The following EPB41L4A variants were observed in gnomAD, a reference collection of about 807,000 sequenced individuals.
EPB41L4A encodes erythrocyte membrane protein band 4.1 like 4A.
In EPB41L4A, 100 loss-of-function variants were observed where a neutral mutation model predicts 108.6. That is an observed-to-expected ratio of 0.92 (90% CI 0.78 to 1.09). The LOEUF (loss-of-function observed/expected upper bound fraction) is 1.09. Ranked by LOEUF, EPB41L4A falls within the 50% of genes least tolerant of loss-of-function variation. The pLI is 0.00. For synonymous variants in EPB41L4A, 319 were observed against 289.0 expected, an observed-to-expected ratio of 1.10 and a Z score of -1.05; for missense variants, 1,030 against 842.7, an observed-to-expected ratio of 1.22 and a Z score of -2.75.
At chr5:112,266,003 T>A (rs988272356) in intron 5 of EPB41L4A, among the ~76,000 whole-genome samples, 12 of 152,220 alleles carry the variant, frequency 7.9e-5, no homozygotes, top group African/African-American at 2.9e-4. Flanking sequence ...GAATCAATGC[T>A]ATTCCAGTGA....
At chr5:112,381,515 T>C (rs548867279) in intron 1 of EPB41L4A, among the ~76,000 whole-genome samples, 3 of 152,336 alleles carry the variant, frequency 2.0e-5, no homozygotes, top group South Asian at 4.1e-4. Context: ...AGGTTCTTGA[T>C]TGCAAGCTAC....
intron 13 of EPB41L4A, among the ~76,000 whole-genome samples, chr5:112,208,798 A>C (rs2059497850): frequency 6.6e-6 from 1 of 152,222 alleles, no homozygotes; most frequent in South Asian, 2.1e-4. Context: ...GTGGGATCTG[A>C]ATCTCATGGA....
At chr5:112,390,768 T>C (rs1760883052) in intron 1 of EPB41L4A, among the ~76,000 whole-genome samples, 2 of 152,190 alleles carry the variant, frequency 1.3e-5, no homozygotes, top group Admixed American at 6.5e-5. Flanking sequence ...GACCCCCATG[T>C]AGCCTAACTG....
intron 1 of EPB41L4A, among the ~76,000 whole-genome samples, chr5:112,396,773 T>C (rs1163154046): frequency 1.3e-5 from 2 of 152,188 alleles, no homozygotes; most frequent in Admixed American, 1.3e-4. Flanking sequence ...CCACCGTGCC[T>C]TGTATAATCT....
chr5:112,337,357 G>A (rs918033223), intron 1 of EPB41L4A, among the ~76,000 whole-genome samples: 6 of 152,126 alleles, frequency 3.9e-5, no homozygotes, highest in African/African-American at 1.2e-4. Context: ...TATGTCAAAC[G>A]TTTGCTGGGT....
At position 112,164,069 on chromosome 5, in the gene EPB41L4A, A is replaced by G. The variant is rs1760079493; in HGVS notation, c.*921T>C. 6.6e-6 allele frequency: 1 copy of G among 152,244 alleles called. No homozygotes were observed. The highest frequency in any genetic ancestry group is 2.1e-4 in the South Asian group (1 of 4,834). The allele number at this position is 152,244 out of a possible 1,614,324, so 9.4% of individuals were successfully genotyped here. ...TCACTGGGGAGAGCAGGTGAATTAGATGGCCAAGCAGGGTGGATGGATCAT... is the reference window on the plus strand; with the variant it reads ...TCACTGGGGAGAGCAGGTGAATTAGGTGGCCAAGCAGGGTGGATGGATCAT... On this transcript the variant is annotated 3_prime_UTR_variant, in exon 23 of 23. Transcript: ENST00000261486.
downstream of EPB41L4A, chr5:112,161,661 T>G (rs3816657): frequency 0.53 from 275,884 of 516,510 alleles, 77,597 homozygotes; most frequent in East Asian, 0.74. Flanking sequence ...CTGCTAGCCT[T>G]AAGTGTATGG....
chr5:112,327,858 G>C (rs943411499), intron 1 of EPB41L4A, among the ~76,000 whole-genome samples: 1 of 152,178 alleles, frequency 6.6e-6, no homozygotes, highest in Non-Finnish European at 1.5e-5. Context: ...AATGGGGTTT[G>C]GTTGTCCAGT....
chr5:112,274,421 T>A (rs1456179402), intron 4 of EPB41L4A, among the ~76,000 whole-genome samples: 2 of 152,048 alleles, frequency 1.3e-5, no homozygotes, highest in Non-Finnish European at 2.9e-5. Flanking sequence ...CACTTCAAAG[T>A]GGGATGAAAA....
intron 9 of EPB41L4A, among the ~76,000 whole-genome samples, chr5:112,249,933 T>C (rs983081044): frequency 6.6e-6 from 1 of 152,220 alleles, no homozygotes; most frequent in Non-Finnish European, 1.5e-5. Flanking sequence ...CAAAGAACTT[T>C]CTTTCAGGGA....
intron 12 of EPB41L4A, among the ~76,000 whole-genome samples, chr5:112,147,797 C>T (rs868477870): frequency 5.9e-5 from 9 of 151,280 alleles, no homozygotes; most frequent in Non-Finnish European, 1.2e-4. Flanking sequence ...ACAGGCCTAG[C>T]GCGGTGGCTC....
intron 17 of EPB41L4A, among the ~76,000 whole-genome samples, chr5:112,186,218 T>C (rs998077904): frequency 8.5e-5 from 13 of 152,206 alleles, no homozygotes; most frequent in African/African-American, 3.1e-4. Context: ...TCGGGGCGTC[T>C]AAATATTTTT....
At chr5:112,280,370 T>C (rs1752891431) in intron 2 of EPB41L4A, 47 bp from the exon 3 acceptor site, 4 of 1,549,566 alleles carry the variant, frequency 2.6e-6, no homozygotes, top group Non-Finnish European at 3.6e-6. Context: ...TTGCTTTTCA[T>C]TAGCTTTTAC....
chr5:112,295,582 T>C (rs1753936387), intron 2 of EPB41L4A, among the ~76,000 whole-genome samples: 9 of 152,188 alleles, frequency 5.9e-5, no homozygotes. Flanking sequence ...CTATAGTGCA[T>C]TGCCCAAGGG....
At chr5:112,330,762 A>C (rs1352186808) in intron 1 of EPB41L4A, among the ~76,000 whole-genome samples, 1 of 152,126 alleles carries the variant, frequency 6.6e-6, no homozygotes, top group Non-Finnish European at 1.5e-5. Context: ...GGTTTAAAAA[A>C]AAAAAAGGAT....
rs1339718296 is a variant in EPB41L4A at position 112,195,700 on chromosome 5, T to C, written c.1385A>G (p.His462Arg). ...SVQPVRRRKAHNSGEDSDLKQ... is the reference protein window; with the variant it reads ...SVQPVRRRKARNSGEDSDLKQ... The stretch of plus-strand genomic sequence containing the variant: ...AAGATCTGAATCTTCACCACTGTTA[T>C]GGGCTTTCCTGTGAAAACAAATGAA... The change falls in exon 16 of 23, where the codon CAT (histidine) becomes CGT (arginine). Residue 462 changes from histidine to arginine, a missense_variant. His to Arg is a conservative substitution (Grantham distance 29). Coordinates refer to ENST00000261486, the MANE Select transcript of EPB41L4A (RefSeq NM_022140.5). 1.9e-6 allele frequency: 3 copies of C among 1,613,030 alleles called. No individual in the cohort carries two copies. The highest frequency in any genetic ancestry group is 2.5e-6 in the Non-Finnish European group (3 of 1,179,698).
chr5:112,286,777 T>C (rs2150523578), intron 2 of EPB41L4A, among the ~76,000 whole-genome samples: 1 of 152,230 alleles, frequency 6.6e-6, no homozygotes, highest in South Asian at 2.1e-4. Flanking sequence ...GGTGGCTTTA[T>C]TTCTCCCATC....
At chr5:112,241,717 G>A (rs966356107) in intron 9 of EPB41L4A, among the ~76,000 whole-genome samples, 19 of 152,220 alleles carry the variant, frequency 1.2e-4, no homozygotes, top group Middle Eastern at 3.4e-3. Flanking sequence ...GAGCATTCTC[G>A]GATTTGGGAG....
chr5:112,227,079 A>G (rs1183026789), intron 12 of EPB41L4A, among the ~76,000 whole-genome samples: 5 of 152,086 alleles, frequency 3.3e-5, no homozygotes, highest in African/African-American at 9.7e-5. Context: ...ACTGCTCCCA[A>G]CAGCTGCCCT....
Sources: allele counts gnomAD v4.1 joint callset (sites outside exome capture counted in the v4.1 genomes callset), GRCh38; gene constraint gnomAD v4.1.1; transcripts MANE v1.5; gene names NCBI Gene and HGNC (gene_info 2026-07-23, HGNC 2026-07-21).